Variants in FGF12 observed in about 807,000 individuals in gnomAD.
FGF12 encodes fibroblast growth factor 12B.
In FGF12, 14 loss-of-function variants were observed where a neutral mutation model predicts 23.6. The ratio of observed to expected loss-of-function variants is 0.59; its 90% CI spans 0.39 to 0.93. The LOEUF is 0.93. Ranked by LOEUF, FGF12 falls within the 40% of genes least tolerant of loss-of-function variation. The probability of loss-of-function intolerance (pLI) is 0.00; values close to 1 mark genes in which losing one functional copy is unlikely to be tolerated. For missense variants in FGF12, 175 were observed against 217.8 expected (o/e 0.80, Z 1.24); for synonymous variants, 62 against 77.3 (o/e 0.80, Z 1.04).
Position 192,605,964 on chromosome 3 carries a change from T to A in FGF12, c.13+121217A>T, listed in dbSNP as rs144701045. Reference sequence around the variant, plus strand: ...CCACAATGGAAAGAAGTTTGGAGATTTCTCAAAGAACTTAAAAGAGAACTA... The same window carrying A: ...CCACAATGGAAAGAAGTTTGGAGATATCTCAAAGAACTTAAAAGAGAACTA... On this transcript the variant is annotated intron_variant, in intron 2 of 5. Coordinates refer to ENST00000445105, the MANE Select transcript of FGF12 (RefSeq NM_004113.6). 1.3e-3 allele frequency among the ~76,000 whole-genome samples: 192 copies of A among 152,304 alleles called. 1 individual carries two copies. The highest frequency in any genetic ancestry group is 4.5e-3 in the African/African-American group (189 of 41,576).
intron 4 of FGF12, among the ~76,000 whole-genome samples, chr3:192,206,031 A>G (rs1345927455): frequency 6.6e-6 from 1 of 152,254 alleles, no homozygotes; most frequent in Non-Finnish European, 1.5e-5. Context: ...GAAGTTGAAG[A>G]TGACTCCAAG....
intron 2 of FGF12, among the ~76,000 whole-genome samples, chr3:192,363,729 TGA>T (rs1718848548): frequency 2.0e-5 from 3 of 152,198 alleles, no homozygotes; most frequent in East Asian, 3.9e-4. Flanking sequence ...CTATCGTAAG[TGA>T]GAATCTCCTT....
At chr3:192,671,665 C>T (rs1266381397) in intron 2 of FGF12, among the ~76,000 whole-genome samples, 4 of 151,972 alleles carry the variant, frequency 2.6e-5, no homozygotes, top group Admixed American at 6.6e-5. Context: ...TCACGTACAA[C>T]GATAAATGGG....
intron 2 of FGF12, among the ~76,000 whole-genome samples, chr3:192,716,206 T>G (rs1449151728): frequency 6.6e-6 from 1 of 152,122 alleles, no homozygotes; most frequent in Non-Finnish European, 1.5e-5. Flanking sequence ...ACCCTAGGGG[T>G]GGGGCCCAGT....
chr3:192,569,813 T>C (rs1447129218), intron 2 of FGF12, among the ~76,000 whole-genome samples: 1 of 152,230 alleles, frequency 6.6e-6, no homozygotes, highest in Admixed American at 6.5e-5. Flanking sequence ...GACTTTATCC[T>C]AATGATAACA....
At chr3:192,160,122 A>G (rs925687883) in intron 5 of FGF12, among the ~76,000 whole-genome samples, 4 of 152,148 alleles carry the variant, frequency 2.6e-5, no homozygotes, top group African/African-American at 9.7e-5. Context: ...AAATAAATTC[A>G]AAGTCATTCT....
intron 2 of FGF12, chr3:192,726,854 C>T: frequency 2.6e-6 from 1 of 385,776 alleles, no homozygotes; most frequent in Non-Finnish European, 4.7e-6. Context: ...TTGAGTCCAT[C>T]CATTATACAG....
intron 2 of FGF12, among the ~76,000 whole-genome samples, chr3:192,567,757 CTTTCT>C (rs1028407060): frequency 7.8e-6 from 1 of 128,224 alleles, no homozygotes; most frequent in African/African-American, 2.8e-5. Context: ...TTCTTTCTTT[CTTTCT>C]TTCTTTCTTT....
At position 192,465,967 on chromosome 3, in the gene FGF12, T is replaced by G. The variant is rs182274142; in HGVS notation, c.14-105429A>C. On this transcript the variant is annotated intron_variant, in intron 2 of 5. Transcript: ENST00000445105. ...TCAGTGGATAGTGCAACTATGCTTA[T>G]GCATTGCTTAATGACTGGAAGATGC... Among the ~76,000 whole-genome samples, 21 of 152,348 alleles carry G rather than the reference T, an allele frequency of 1.4e-4. No homozygotes were observed. In the East Asian group the frequency reaches 2.3e-3, roughly 17 times the overall value.
At chr3:192,234,248 T>C (rs527647111) in intron 4 of FGF12, among the ~76,000 whole-genome samples, 4 of 152,272 alleles carry the variant, frequency 2.6e-5, no homozygotes, top group Admixed American at 2.0e-4. Context: ...GTTTCTGCAA[T>C]TCTCATAGAG....
At chr3:192,509,620 C>T (rs1484744795) in intron 2 of FGF12, among the ~76,000 whole-genome samples, 1 of 152,134 alleles carries the variant, frequency 6.6e-6, no homozygotes, top group Non-Finnish European at 1.5e-5. Context: ...TCTTGGAAAA[C>T]ATCAGTGGGG....
At chr3:192,289,097 C>T (rs1714618621) in intron 4 of FGF12, among the ~76,000 whole-genome samples, 1 of 151,916 alleles carries the variant, frequency 6.6e-6, no homozygotes, top group African/African-American at 2.4e-5. Flanking sequence ...CATGCAGGAA[C>T]CTGAAGGTTA....
intron 5 of FGF12, among the ~76,000 whole-genome samples, chr3:192,158,989 T>A (rs979521744): frequency 6.6e-6 from 1 of 152,042 alleles, no homozygotes; most frequent in African/African-American, 2.4e-5. Context: ...TCCCAATGTC[T>A]GCTTATCCCA....
At chr3:192,224,939 C>T (rs997038021) in intron 4 of FGF12, among the ~76,000 whole-genome samples, 6 of 152,018 alleles carry the variant, frequency 3.9e-5, no homozygotes, top group Admixed American at 6.6e-5. Flanking sequence ...ATTCCTGATA[C>T]CATACCCGGA....
At chr3:192,727,044 T>C (rs1363043632) in intron 2 of FGF12, 137 bp downstream of exon 2, 7 of 1,081,246 alleles carry the variant, frequency 6.5e-6, no homozygotes, top group Non-Finnish European at 9.7e-6. Flanking sequence ...TCCCCAGTGC[T>C]GCAATGGACA....
At chr3:192,557,304 A>C (rs1353908175) in intron 2 of FGF12, among the ~76,000 whole-genome samples, 7 of 151,766 alleles carry the variant, frequency 4.6e-5, no homozygotes, top group Non-Finnish European at 8.8e-5. Flanking sequence ...CTTTAGCCAG[A>C]GTATGAAAAA....
At chr3:192,665,218 C>T (rs1222364604) in intron 2 of FGF12, among the ~76,000 whole-genome samples, 2 of 152,090 alleles carry the variant, frequency 1.3e-5, no homozygotes, top group Non-Finnish European at 1.5e-5. Context: ...ATAAATTAGA[C>T]ACAGTTGCTC....
intron 4 of FGF12, among the ~76,000 whole-genome samples, chr3:192,256,345 G>T (rs116181309): frequency 0.014 from 2,074 of 149,888 alleles, 49 homozygotes; most frequent in African/African-American, 0.049. Context: ...TACCCTCTAT[G>T]CAAATCTACT....
intron 2 of FGF12, among the ~76,000 whole-genome samples, chr3:192,397,552 T>C (rs1178829178): frequency 2.6e-5 from 4 of 152,312 alleles, no homozygotes; most frequent in African/African-American, 9.6e-5. Context: ...AACACATACA[T>C]GACTCGCTCC....
Sources: allele counts gnomAD v4.1 joint callset (sites outside exome capture counted in the v4.1 genomes callset), GRCh38; gene constraint gnomAD v4.1.1; transcripts MANE v1.5; gene names NCBI Gene and HGNC (gene_info 2026-07-23, HGNC 2026-07-21).